CAPSL: variants seen among roughly 807,000 people sequenced by gnomAD.
CAPSL encodes the protein calcyphosin-like protein.
A neutral mutation model predicts 21.3 loss-of-function variants in CAPSL; 17 were observed. The ratio of observed to expected loss-of-function variants is 0.80; its 90% confidence interval spans 0.55 to 1.20. The LOEUF is 1.20. Ranked by LOEUF, CAPSL falls within the 50% of genes most tolerant of loss-of-function variation. The pLI, the probability that CAPSL is intolerant of heterozygous loss-of-function variation, is 0.00. For synonymous variants in CAPSL, 102 were observed against 89.3 expected, an observed-to-expected ratio of 1.14 and a Z score of -0.80; for missense variants, 289 against 259.3, an observed-to-expected ratio of 1.11 and a Z score of -0.79.
chr5:35,930,919 C>T (rs938642805), intron 1 of CAPSL, among the ~76,000 whole-genome samples: 1 of 152,128 alleles, frequency 6.6e-6, no homozygotes, highest in Non-Finnish European at 1.5e-5. Context: ...CTTTTGCCTT[C>T]CTTGTGCCTT....
intron 2 of CAPSL, among the ~76,000 whole-genome samples, chr5:35,918,351 C>T: frequency 6.6e-6 from 1 of 152,076 alleles, no homozygotes; most frequent in Admixed American, 6.5e-5. Context: ...AGCAAAGTAA[C>T]ACAGGAACAG....
intron 2 of CAPSL, among the ~76,000 whole-genome samples, chr5:35,919,316 A>T (rs1181370460): frequency 6.6e-6 from 1 of 152,058 alleles, no homozygotes. Context: ...GATACTAGCA[A>T]AAGAATCTTG....
chr5:35,935,535 A>C (rs1408017403), intron 1 of CAPSL, among the ~76,000 whole-genome samples: 3 of 151,698 alleles, frequency 2.0e-5, no homozygotes, highest in African/African-American at 7.3e-5. Flanking sequence ...GGATCTTGCT[A>C]TGTTGCCCAG....
rs1341236875 is a variant in CAPSL at position 35,904,497 on chromosome 5, A to G, written c.*48T>C. ...CTGGTTTTTGAGCTGACATTTAGTC[A>G]TTTGGAGCCACATGGCTGTCCCAGG... On this transcript the variant is annotated 3_prime_UTR_variant, in exon 5 of 5. Coordinates refer to ENST00000651391, the MANE Select transcript of CAPSL (RefSeq NM_001042625.2). 2 of 1,346,928 alleles carry G rather than the reference A, an allele frequency of 1.5e-6. No homozygotes were observed. The highest frequency in any genetic ancestry group is 1.5e-5 in the African/African-American group (1 of 68,600). The allele number at this position is 1,346,928 out of a possible 1,614,324, so 83.4% of individuals were successfully genotyped here.
intron 2 of CAPSL, among the ~76,000 whole-genome samples, chr5:35,916,534 G>A (rs568803958): frequency 3.3e-4 from 50 of 152,228 alleles, no homozygotes; most frequent in African/African-American, 1.1e-3. Flanking sequence ...CAATGGAACA[G>A]AACAGAGCCC....
intron 2 of CAPSL, among the ~76,000 whole-genome samples, chr5:35,918,291 A>T (rs567667930): frequency 6.6e-6 from 1 of 152,366 alleles, no homozygotes; most frequent in South Asian, 2.1e-4. Context: ...AAAAAGGATG[A>T]GTTCATGTCC....
At chr5:35,921,198 A>G (rs1161592009) in intron 1 of CAPSL, 78 bp from the exon 2 acceptor site, 11 of 1,511,544 alleles carry the variant, frequency 7.3e-6, no homozygotes, top group Admixed American at 2.1e-5. Context: ...CAGAAGCCTC[A>G]CTGAGAAGGA....
intron 1 of CAPSL, among the ~76,000 whole-genome samples, chr5:35,934,739 C>A (rs1738902174): frequency 6.6e-6 from 1 of 152,122 alleles, no homozygotes; most frequent in African/African-American, 2.4e-5. Flanking sequence ...CTTTCTTGTC[C>A]CTTCTGACTG....
intron 4 of CAPSL, among the ~76,000 whole-genome samples, chr5:35,906,473 T>C (rs943738693): frequency 3.9e-5 from 6 of 152,088 alleles, no homozygotes; most frequent in Non-Finnish European, 5.9e-5. Flanking sequence ...CCCTTTCTCG[T>C]TCCCTCCTTC....
rs1738166505 is a variant in CAPSL, at chr5:35,909,890, A to G, written c.501T>C (p.Asp167=). The change falls in exon 4 of 5, where the codon GAT becomes GAC. Residue 167 remains aspartate (D), a synonymous_variant. Transcript: ENST00000651391. ...CCAATCCATCTTTGTCATAGGGTGA[A>G]TCAAAGTTATCCAGAAATTTCCTAA... ...QVFRKFLDNF[D]SPYDKDGLVT... 1.2e-6 allele frequency: 2 copies of G among 1,613,224 alleles called. No individual in the cohort carries two copies. The highest frequency in any genetic ancestry group is 1.7e-4 in the Middle Eastern group (1 of 6,054).
intron 2 of CAPSL, among the ~76,000 whole-genome samples, chr5:35,919,656 G>A (rs1359654566): frequency 6.6e-6 from 1 of 152,196 alleles, no homozygotes; most frequent in Non-Finnish European, 1.5e-5. Context: ...GAGTTAGACT[G>A]AAGGAGAGTG....
At chr5:35,906,213 T>C (rs1760674719) in intron 4 of CAPSL, among the ~76,000 whole-genome samples, 1 of 152,240 alleles carries the variant, frequency 6.6e-6, no homozygotes, top group Admixed American at 6.5e-5. Context: ...TAGTTTGTTA[T>C]TGTTTCTATT....
At chr5:35,921,223 T>G in intron 1 of CAPSL, 103 bp from the exon 2 acceptor site, 1 of 1,397,848 alleles carries the variant, frequency 7.2e-7, no homozygotes, top group South Asian at 1.4e-5. Flanking sequence ...TACAGCCTTC[T>G]CTGTCAGGAA....
intron 4 of CAPSL, among the ~76,000 whole-genome samples, chr5:35,907,912 A>G (rs1425416803): frequency 6.6e-6 from 1 of 152,214 alleles, no homozygotes; most frequent in Non-Finnish European, 1.5e-5. Context: ...GTTCCTCTAC[A>G]ACAACAATTT....
At chr5:35,938,700 G>A (rs1417400983), upstream of CAPSL, 5 of 152,644 alleles carry the variant, frequency 3.3e-5, no homozygotes, top group Non-Finnish European at 7.3e-5. Flanking sequence ...TTAATTGGAG[G>A]ACCTGGGATC....
chr5:35,926,212 G>A (rs1240087301), intron 1 of CAPSL, among the ~76,000 whole-genome samples: 2 of 152,206 alleles, frequency 1.3e-5, no homozygotes, highest in Admixed American at 6.5e-5. Flanking sequence ...CGTGTGGACG[G>A]AGAGAGAAGA....
Position 35,910,470 on chromosome 5 carries a change from A to C in CAPSL, c.211T>G (p.Tyr71Asp), listed in dbSNP as rs1738187269. 6.2e-7 allele frequency: 1 copy of C among 1,613,358 alleles called. No individual in the cohort carries two copies. The highest frequency in any genetic ancestry group is 1.1e-5 in the South Asian group (1 of 91,048). The change falls in exon 3 of 5, where the codon TAT becomes GAT. Residue 71 changes from tyrosine to aspartate, a missense_variant. Physicochemically the swap from Tyr to Asp is radical, Grantham distance 160 (BLOSUM62 -3). Transcript: ENST00000651391. ...TCTTCTTTTTCCATGACCACAGCAT[A>C]ATCATTTAACCCTTTCATAAATTCT... ...FKEFMKGLND[Y>D]AVVMEKEEVE...
intron 1 of CAPSL, among the ~76,000 whole-genome samples, chr5:35,924,712 G>A (rs1399971412): frequency 1.3e-5 from 2 of 152,162 alleles, no homozygotes; most frequent in Non-Finnish European, 1.5e-5. Flanking sequence ...ATAGAGTGTG[G>A]GAGTGTGAGG....
chr5:35,928,469 A>C (rs1297386054), intron 1 of CAPSL, among the ~76,000 whole-genome samples: 1 of 152,186 alleles, frequency 6.6e-6, no homozygotes, highest in Non-Finnish European at 1.5e-5. Context: ...AGTGTGTGTC[A>C]GTGTTGTTGA....
Sources: allele counts gnomAD v4.1 joint callset (sites outside exome capture counted in the v4.1 genomes callset), GRCh38; gene constraint gnomAD v4.1.1; transcripts MANE v1.5; gene names NCBI Gene and HGNC (gene_info 2026-07-23, HGNC 2026-07-21).